Variants in ROR1 observed in about 807,000 individuals in gnomAD.
ROR1 encodes inactive tyrosine-protein kinase transmembrane receptor ROR1.
ROR1 carries 19 observed loss-of-function variants against 78.8 expected under a neutral mutation model. The ratio of observed to expected loss-of-function variants is 0.24; its 90% CI spans 0.17 to 0.35. The LOEUF is 0.35. ROR1 is among the 10% of genes least tolerant of loss of function. The pLI, the probability that ROR1 is intolerant of heterozygous loss-of-function variation, is 1.00. For synonymous variants in ROR1, 386 were observed against 433.6 expected, an observed-to-expected ratio of 0.89 and a Z score of 1.36; for missense variants, 917 against 1,177.8, an observed-to-expected ratio of 0.78 and a Z score of 3.24.
intron 1 of ROR1, chr1:63,788,966 C>T: frequency 1.5e-6 from 1 of 676,726 alleles, no homozygotes; most frequent in Admixed American, 1.8e-5. Flanking sequence ...GATCAATCTT[C>T]TTAGATATGC....
chr1:64,075,716 G>A (rs1219883954), intron 4 of ROR1, among the ~76,000 whole-genome samples: 1 of 152,138 alleles, frequency 6.6e-6, no homozygotes, highest in Non-Finnish European at 1.5e-5. Flanking sequence ...CACTTTAAGT[G>A]TATCAACTTG....
chr1:63,868,747 G>T (rs1645232614), intron 1 of ROR1, among the ~76,000 whole-genome samples: 1 of 152,208 alleles, frequency 6.6e-6, no homozygotes, highest in South Asian at 2.1e-4. Flanking sequence ...TCAGCAAGGG[G>T]ATCAGGAGTT....
intron 1 of ROR1, among the ~76,000 whole-genome samples, chr1:63,937,856 G>A (rs1299014311): frequency 1.3e-5 from 2 of 152,218 alleles, no homozygotes; most frequent in East Asian, 1.9e-4. Flanking sequence ...TTGTTCCAGT[G>A]TTAATATATT....
chr1:63,988,911 C>A (rs1232840972), intron 1 of ROR1, among the ~76,000 whole-genome samples: 1 of 150,820 alleles, frequency 6.6e-6, no homozygotes, highest in East Asian at 1.9e-4. Context: ...TTGCTTCTAC[C>A]TTTTGGTTGT....
chr1:63,958,273 A>T (rs1033350258), intron 1 of ROR1, among the ~76,000 whole-genome samples: 1 of 152,128 alleles, frequency 6.6e-6, no homozygotes, highest in Non-Finnish European at 1.5e-5. Flanking sequence ...CTAGTGTACA[A>T]TCAATAGTAT....
At chr1:64,052,601 G>C (rs551793194) in intron 4 of ROR1, among the ~76,000 whole-genome samples, 1 of 152,142 alleles carries the variant, frequency 6.6e-6, no homozygotes, top group Admixed American at 6.6e-5. Flanking sequence ...TCTATGGAGA[G>C]GGTATTGAAG....
intron 1 of ROR1, among the ~76,000 whole-genome samples, chr1:63,828,108 A>G (rs1354908318): frequency 6.6e-6 from 1 of 152,210 alleles, no homozygotes; most frequent in African/African-American, 2.4e-5. Context: ...AAAAGAGAAA[A>G]AAAATTCCAC....
At chr1:63,817,871 C>G (rs1046930219) in intron 1 of ROR1, among the ~76,000 whole-genome samples, 1 of 152,058 alleles carries the variant, frequency 6.6e-6, no homozygotes, top group Non-Finnish European at 1.5e-5. Flanking sequence ...GCATTCCTCC[C>G]TCTTGGCAGT....
Position 63,966,727 on chromosome 1 carries a change from T to C in ROR1, c.92-42578T>C, listed in dbSNP as rs11589710. Among the ~76,000 whole-genome samples, 1,323 of 152,340 alleles carry C rather than the reference T, an allele frequency of 8.7e-3. 10 individuals carry two copies. The highest frequency in any genetic ancestry group is 0.017 in the South Asian group (80 of 4,828). ...CTTTTTCTGTTTGTTTGGCTGCCTC[T>C]GAAAATACTGTTTCAGGGCAGTCAA... On this transcript the variant is annotated intron_variant, in intron 1 of 8. Coordinates refer to ENST00000371079, the MANE Select transcript of ROR1 (RefSeq NM_005012.4).
chr1:64,147,032 A>C (rs991830394), intron 7 of ROR1, among the ~76,000 whole-genome samples: 4 of 152,238 alleles, frequency 2.6e-5, no homozygotes, highest in Non-Finnish European at 5.9e-5. Flanking sequence ...ACACTCTGCT[A>C]TCTCTCATTT....
chr1:63,838,178 TAAAC>T, intron 1 of ROR1, among the ~76,000 whole-genome samples: 1 of 152,294 alleles, frequency 6.6e-6, no homozygotes, highest in South Asian at 2.1e-4. Context: ...ATAATAGTAA[TAAAC>T]AACTATGTTA....
chr1:64,049,274 CA>C (rs1359152690), intron 2 of ROR1, among the ~76,000 whole-genome samples: 5 of 151,974 alleles, frequency 3.3e-5, no homozygotes, highest in Admixed American at 6.6e-5. Flanking sequence ...TCTTTCTTAT[CA>C]AAAGTGAGCA....
chr1:64,067,517 A>G (rs558501034), intron 4 of ROR1, among the ~76,000 whole-genome samples: 69 of 151,396 alleles, frequency 4.6e-4, no homozygotes, highest in African/African-American at 1.6e-3. Flanking sequence ...AATTAAAAAC[A>G]TAGGTTCACA....
intron 1 of ROR1, among the ~76,000 whole-genome samples, chr1:63,911,811 C>T (rs1047450468): frequency 6.6e-6 from 1 of 152,088 alleles, no homozygotes. Context: ...AACACTTGGA[C>T]CTGTACAAGA....
chr1:64,086,602 T>C (rs1383910117), intron 4 of ROR1, among the ~76,000 whole-genome samples: 1 of 152,200 alleles, frequency 6.6e-6, no homozygotes, highest in African/African-American at 2.4e-5. Flanking sequence ...GTATTGCACA[T>C]TACCTTTGAG....
chr1:64,158,708 C>T (rs1649845741), intron 7 of ROR1, among the ~76,000 whole-genome samples: 1 of 152,188 alleles, frequency 6.6e-6, no homozygotes, highest in Non-Finnish European at 1.5e-5. Flanking sequence ...TAAAGAGAGG[C>T]AACATCAGAG....
At chr1:63,963,097 T>A (rs1210450409) in intron 1 of ROR1, among the ~76,000 whole-genome samples, 1 of 152,194 alleles carries the variant, frequency 6.6e-6, no homozygotes, top group Non-Finnish European at 1.5e-5. Context: ...ATGACATCTG[T>A]TATCTTTACA....
At chr1:63,912,812 C>T (rs1032385505) in intron 1 of ROR1, among the ~76,000 whole-genome samples, 1 of 152,118 alleles carries the variant, frequency 6.6e-6, no homozygotes, top group Non-Finnish European at 1.5e-5. Flanking sequence ...ACTGTGGCCA[C>T]GGAAGGGCAG....
intron 1 of ROR1, among the ~76,000 whole-genome samples, chr1:63,777,832 A>G (rs1644626661): frequency 6.6e-6 from 1 of 152,262 alleles, no homozygotes; most frequent in African/African-American, 2.4e-5. Flanking sequence ...ATGTATATGT[A>G]CAGATAGCAT....
Sources: gnomAD v4.1 joint callset for allele counts (sites outside exome capture counted in the v4.1 genomes callset) on GRCh38, gnomAD v4.1.1 for gene constraint, MANE v1.5 for transcripts, NCBI Gene and HGNC (gene_info 2026-07-23, HGNC 2026-07-21) for gene names.